Variants in TNFAIP8 observed in about 807,000 individuals in gnomAD.
TNFAIP8 encodes tumor necrosis factor alpha-induced protein 8.
TNFAIP8 carries 7 observed loss-of-function variants against 13.3 expected under a neutral mutation model. That is an observed-to-expected ratio of 0.52 (90% confidence interval 0.30 to 0.99). The LOEUF is 0.99. Among genes scored for constraint, TNFAIP8 ranks in the 50% least tolerant of loss-of-function variants. The probability of loss-of-function intolerance (pLI) is 0.07; values close to 1 mark genes in which losing one functional copy is unlikely to be tolerated. For missense variants in TNFAIP8, 258 were observed against 236.9 expected (o/e 1.09, Z -0.58); for synonymous variants, 94 against 87.6 (o/e 1.07, Z -0.41).
At chr5:119,303,138 C>T (rs1307972198) in intron 1 of TNFAIP8, among the ~76,000 whole-genome samples, 1 of 152,142 alleles carries the variant, frequency 6.6e-6, no homozygotes, top group African/African-American at 2.4e-5. Context: ...CCCACAGATT[C>T]CTTTAGGGGA....
chr5:119,376,342 T>A (rs1752281566), intron 1 of TNFAIP8, among the ~76,000 whole-genome samples: 1 of 150,380 alleles, frequency 6.6e-6, no homozygotes, highest in Non-Finnish European at 1.5e-5. Context: ...CTCGAACTGC[T>A]CTCTGTCACC....
intron 1 of TNFAIP8, among the ~76,000 whole-genome samples, chr5:119,270,924 A>C (rs557067777): frequency 4.5e-4 from 69 of 152,368 alleles, no homozygotes; most frequent in Middle Eastern, 3.4e-3. Flanking sequence ...TTTAAGGGCA[A>C]CTTTTACTCC....
intron 1 of TNFAIP8, among the ~76,000 whole-genome samples, chr5:119,381,456 C>A (rs920078060): frequency 3.9e-5 from 6 of 152,216 alleles, no homozygotes; most frequent in African/African-American, 1.2e-4. Flanking sequence ...GGGAGGATTA[C>A]CTGAGCCCAG....
At chr5:119,355,534 T>C, upstream of TNFAIP8, 1 of 581,174 alleles carries the variant, frequency 1.7e-6, no homozygotes, top group Non-Finnish European at 3.1e-6. Flanking sequence ...AAAGCCGCTT[T>C]AAAATCCGTA....
chr5:119,347,876 T>A (rs932707908), intron 1 of TNFAIP8, among the ~76,000 whole-genome samples: 2 of 152,172 alleles, frequency 1.3e-5, no homozygotes, highest in Non-Finnish European at 2.9e-5. Context: ...TGTTAATAGA[T>A]TCTACCCATG....
At chr5:119,297,745 C>G (rs1455312887) in intron 1 of TNFAIP8, among the ~76,000 whole-genome samples, 2 of 152,130 alleles carry the variant, frequency 1.3e-5, no homozygotes, top group African/African-American at 4.8e-5. Flanking sequence ...GAGTCTAAGT[C>G]TCTTTGTAGG....
chr5:119,315,647 G>A (rs1000379004), intron 1 of TNFAIP8, among the ~76,000 whole-genome samples: 3 of 152,186 alleles, frequency 2.0e-5, no homozygotes, highest in Non-Finnish European at 4.4e-5. Context: ...CACTGAGGAA[G>A]CTGGCAGAAG....
At chr5:119,316,132 A>G (rs534951310) in intron 1 of TNFAIP8, 1 of 151,056 alleles carries the variant, frequency 6.6e-6, no homozygotes, top group South Asian at 2.1e-4. Context: ...GATTAGAACT[A>G]CAGTTGACCT....
At chr5:119,274,182 C>G (rs1042637464) in intron 1 of TNFAIP8, among the ~76,000 whole-genome samples, 1 of 151,908 alleles carries the variant, frequency 6.6e-6, no homozygotes, top group Non-Finnish European at 1.5e-5. Flanking sequence ...CACACACATG[C>G]AGACACGAAA....
At chr5:119,328,957 C>T (rs1008989774) in intron 1 of TNFAIP8, among the ~76,000 whole-genome samples, 22 of 152,202 alleles carry the variant, frequency 1.4e-4, no homozygotes, top group African/African-American at 4.6e-4. Flanking sequence ...AGCCAGCACT[C>T]GGTGTTTCTT....
intron 1 of TNFAIP8, among the ~76,000 whole-genome samples, chr5:119,328,535 A>G (rs1321540282): frequency 2.6e-5 from 4 of 152,246 alleles, no homozygotes; most frequent in African/African-American, 4.8e-5. Context: ...TGAGAATGGG[A>G]GACACACAGA....
At chr5:119,338,761 CAA>C (rs888385806) in intron 1 of TNFAIP8, among the ~76,000 whole-genome samples, 3 of 152,180 alleles carry the variant, frequency 2.0e-5, no homozygotes, top group African/African-American at 7.2e-5. Flanking sequence ...CTTGTTCATA[CAA>C]AAGAGATTTT....
chr5:119,375,802 A>G (rs1204334303), intron 1 of TNFAIP8, among the ~76,000 whole-genome samples: 2 of 152,172 alleles, frequency 1.3e-5, no homozygotes, highest in Non-Finnish European at 2.9e-5. Flanking sequence ...AGTAAGGATT[A>G]TATCCTTAGT....
At chr5:119,351,831 C>T (rs140851718), upstream of TNFAIP8, among the ~76,000 whole-genome samples, 2,858 of 142,568 alleles carry the variant, frequency 0.02, 77 homozygotes, top group African/African-American at 0.075. Context: ...ACTCTGTTGC[C>T]CAGGCTAGAG....
chr5:119,297,185 T>C (rs1457887814), intron 1 of TNFAIP8, among the ~76,000 whole-genome samples: 1 of 152,204 alleles, frequency 6.6e-6, no homozygotes, highest in Non-Finnish European at 1.5e-5. Context: ...CTAGTTCTTT[T>C]AATTGTGATG....
intron 1 of TNFAIP8, 134 bp from the exon 2 acceptor site, chr5:119,392,682 C>T (rs1401517611): frequency 1.5e-5 from 16 of 1,047,922 alleles, no homozygotes; most frequent in South Asian, 8.7e-5. Context: ...AGACTAATGT[C>T]GGTAGATGTA....
At chr5:119,339,112 T>C (rs1366191220) in intron 1 of TNFAIP8, among the ~76,000 whole-genome samples, 1 of 152,158 alleles carries the variant, frequency 6.6e-6, no homozygotes, top group Non-Finnish European at 1.5e-5. Flanking sequence ...AATTGGCGTC[T>C]CTGATGTTGA....
chr5:119,272,866 G>T (rs554140133), intron 1 of TNFAIP8, among the ~76,000 whole-genome samples: 6 of 152,318 alleles, frequency 3.9e-5, no homozygotes, highest in African/African-American at 1.4e-4. Context: ...TGATGTTTCT[G>T]TCAAGGTGAC....
intron 1 of TNFAIP8, among the ~76,000 whole-genome samples, chr5:119,381,907 G>A (rs965596043): frequency 6.6e-6 from 1 of 151,928 alleles, no homozygotes; most frequent in Admixed American, 6.6e-5. Context: ...ACTCCAGCCT[G>A]CAAGACTCCG....
Sources: allele counts gnomAD v4.1 joint callset (sites outside exome capture counted in the v4.1 genomes callset), GRCh38; gene constraint gnomAD v4.1.1; transcripts MANE v1.5; gene names NCBI Gene and HGNC (gene_info 2026-07-23, HGNC 2026-07-21).